SPTBN5: variants seen among roughly 807,000 people sequenced by gnomAD.
SPTBN5 encodes spectrin beta, non-erythrocytic 5, also known as spectrin beta chain, non-erythrocytic 5.
SPTBN5 carries 513 observed loss-of-function variants against 477.6 expected under a neutral mutation model. That is an observed-to-expected ratio of 1.07 (90% confidence interval 1.00 to 1.16). SPTBN5 has a LOEUF of 1.16. Ranked by LOEUF, SPTBN5 falls within the 50% of genes most tolerant of loss-of-function variation. The probability of loss-of-function intolerance (pLI) is 0.00; values close to 1 mark genes in which losing one functional copy is unlikely to be tolerated. For synonymous variants in SPTBN5, 2,169 were observed against 2,011.7 expected (o/e 1.08, Z -2.09); for missense variants, 5,062 against 4,731.8 (o/e 1.07, Z -2.05).
intron 41 of SPTBN5, 39 bp from the exon 42 acceptor site, chr15:41,862,942 G>T: frequency 6.5e-7 from 1 of 1,535,172 alleles, no homozygotes; most frequent in Non-Finnish European, 8.8e-7. Context: ...CTGGGCCTTT[G>T]CTTCGGCTCC....
At position 41,848,499 on chromosome 15, in the gene SPTBN5, A is replaced by G; in HGVS notation, c.*117T>C. 1 of 1,181,830 alleles carries G rather than the reference A, an allele frequency of 8.5e-7. No homozygotes were observed. Among genetic ancestry groups the G allele is most frequent in the Non-Finnish European group, 1.3e-6 (1 of 787,954 alleles). 73.2% of individuals were successfully genotyped at this position (1,181,830 alleles called of 1,614,324 possible). The stretch of plus-strand genomic sequence containing the variant: ...CTATTCCAGAAGCTGGGCCTGGGGA[A>G]CTGGGTTGAAGCAGCCACGGGAAGG... On this transcript the variant is annotated 3_prime_UTR_variant, in exon 68 of 68. Transcript: ENST00000320955.
At chr15:41,864,705 G>T (rs866482504) in intron 39 of SPTBN5, among the ~76,000 whole-genome samples, 2 of 152,346 alleles carry the variant, frequency 1.3e-5, no homozygotes, top group South Asian at 2.1e-4. Context: ...GCTTCCTGGG[G>T]TTTGGGTGTC....
Position 41,871,844 on chromosome 15 carries a change from C to T in SPTBN5, c.5239G>A (p.Ala1747Thr). The change falls in exon 28 of 68, where the codon GCA becomes ACA. Residue 1747 changes from alanine (A) to threonine (T), a missense_variant. Physicochemically the swap from Ala to Thr is moderately conservative, Grantham distance 58. Coordinates refer to ENST00000320955, the MANE Select transcript of SPTBN5 (RefSeq NM_016642.4). ...CCTTTGGCTGCCTGCTTCTGGCTTGCCAGCCAGCCCTGCAGGTCCTCAGCC... is the reference window on the plus strand; with the variant it reads ...CCTTTGGCTGCCTGCTTCTGGCTTGTCAGCCAGCCCTGCAGGTCCTCAGCC... ...REAEDLQGWL[A>T]SQKQAAKGGE... 6.3e-7 allele frequency: 1 copy of T among 1,588,262 alleles called. No homozygotes were observed. The highest frequency in any genetic ancestry group is 1.3e-5 in the African/African-American group (1 of 74,382).
chr15:41,882,092 C>A lies in SPTBN5; in HGVS notation c.2301G>T (p.Ser767=). The part of the protein sequence containing the change: ...AASWLRERRS[S]LERASCGQDQ... ...CCTGACCGCAGGACGCTCTCTCCAG[C>A]GAGGATCGCCGCTCGCGCAGCCACG... is the stretch of plus-strand genomic sequence containing the variant. Residue 767 remains serine (S), a synonymous_variant, in exon 12 of 68, where the codon TCG becomes TCT. Transcript: ENST00000320955. The A allele has an allele frequency of 1.3e-6, 2 of 1,573,828 alleles. No homozygotes were observed. Among genetic ancestry groups the A allele is most frequent in the Non-Finnish European group, 1.7e-6 (2 of 1,171,050 alleles).
At chr15:41,868,306 G>A (rs2140938470) in intron 33 of SPTBN5, 88 bp from the exon 34 acceptor site, 2 of 1,561,474 alleles carry the variant, frequency 1.3e-6, no homozygotes, top group East Asian at 2.3e-5. Context: ...CCTGAGGAGA[G>A]GCCAGCATGG....
chr15:41,850,755 A>T, intron 66 of SPTBN5, 99 bp downstream of exon 66: 2 of 1,039,874 alleles, frequency 1.9e-6, no homozygotes, highest in Non-Finnish European at 2.7e-6. Flanking sequence ...AGAGATGCTA[A>T]CTGTGAAACC....
rs1284669923 is a variant in SPTBN5 at position 41,883,217 on chromosome 15, C to G, written c.1671G>C (p.Arg557Ser). 6.2e-7 allele frequency: 1 copy of G among 1,610,266 alleles called. No homozygotes were observed. The highest frequency in any genetic ancestry group is 1.7e-5 in the Admixed American group (1 of 59,762). ...CCAGCTGCTGCCCACAGGCGGTGGA[C>G]CTGGCCGGCTCCTGGCCAGAGATGA... ...HQLEELQEPA[R>S]STACGQQLAE... Residue 557 changes from arginine to serine, a missense_variant, in exon 9 of 68, where the codon AGG becomes AGC. Physicochemically the swap from Arg to Ser is moderately radical, Grantham distance 110. Transcript: ENST00000320955.
intron 17 of SPTBN5, 55 bp from the exon 18 acceptor site, chr15:41,877,411 C>A: frequency 6.4e-7 from 1 of 1,568,800 alleles, no homozygotes. Flanking sequence ...TCGTCAGCCT[C>A]CTTCTCCTCT....
Position 41,885,758 on chromosome 15 carries a change from G to A in SPTBN5, c.1497C>T (p.His499=). 6.4e-7 allele frequency: 1 copy of A among 1,557,534 alleles called. No homozygotes were observed. Among genetic ancestry groups the A allele is most frequent in the Non-Finnish European group, 8.7e-7 (1 of 1,150,732 alleles). ...ACCTGCGGGCCACATCTGCCCAGCT[G>A]TGGTACTGCTCCTGCCGGAGGATGT... is the stretch of plus-strand genomic sequence containing the variant. The part of the protein sequence containing the change: ...IADILRQEQY[H]SWADVARRQE... Residue 499 remains histidine, a synonymous_variant, in exon 7 of 68, where the codon CAC becomes CAT. Coordinates refer to ENST00000320955, the MANE Select transcript of SPTBN5 (RefSeq NM_016642.4).
chr15:41,865,633 C>T (rs1297825637), intron 39 of SPTBN5, among the ~76,000 whole-genome samples, 175 bp downstream of exon 39: 1 of 152,206 alleles, frequency 6.6e-6, no homozygotes, highest in Admixed American at 6.5e-5. Context: ...GGTGCTACCC[C>T]CATTCTAAAG....
chr15:41,861,686 G>A, intron 45 of SPTBN5, 49 bp downstream of exon 45: 2 of 1,515,028 alleles, frequency 1.3e-6, no homozygotes, highest in East Asian at 2.4e-5. Flanking sequence ...GTCAGCGCAG[G>A]CCCTGTTCGG....
At position 41,857,461 on chromosome 15, in the gene SPTBN5, C is replaced by T; in HGVS notation, c.8398G>A (p.Glu2800Lys). 6.2e-7 allele frequency: 1 copy of T among 1,608,962 alleles called. No homozygotes were observed. The highest frequency in any genetic ancestry group is 1.3e-5 in the African/African-American group (1 of 74,994). The change falls in exon 51 of 68, where the codon GAG (glutamate) becomes AAG (lysine). Residue 2800 changes from glutamate (E) to lysine (K), a missense_variant. By Grantham distance (56) the Glu-to-Lys change is moderately conservative. Transcript: ENST00000320955. ...LRLRRSMEEL[E>K]NWLEPIEVEL... ...ACCTCGATGGGCTCCAGCCAGTTCTCCAGTTCCTCCATGCTCCGCCGCAGA... is the reference window on the plus strand; with the variant it reads ...ACCTCGATGGGCTCCAGCCAGTTCTTCAGTTCCTCCATGCTCCGCCGCAGA...
At chr15:41,887,480 C>T (rs1865356530) in intron 5 of SPTBN5, 39 bp from the exon 6 acceptor site, 1 of 1,447,530 alleles carries the variant, frequency 6.9e-7, no homozygotes, top group Admixed American at 2.0e-5. Context: ...CCAGCAGGAA[C>T]CTACTGCTTT....
chr15:41,879,955 G>T, intron 14 of SPTBN5, 91 bp from the exon 15 acceptor site: 4 of 1,531,938 alleles, frequency 2.6e-6, no homozygotes, highest in Non-Finnish European at 3.5e-6. Flanking sequence ...GGTGCTCTCT[G>T]CTACAGGGAT....
At chr15:41,893,675 G>A (rs2067383558) in intron 1 of SPTBN5, 129 bp from the exon 2 acceptor site, 1 of 1,185,648 alleles carries the variant, frequency 8.4e-7, no homozygotes, top group Non-Finnish European at 1.1e-6. Flanking sequence ...GCCAGGTAAG[G>A]GCCAGTGCTT....
chr15:41,867,396 T>A (rs2066361821), intron 35 of SPTBN5, 142 bp downstream of exon 35: 1 of 857,194 alleles, frequency 1.2e-6, no homozygotes. Context: ...TACAACTTGC[T>A]CAGTCAACCC....
rs1438735971 is a variant in SPTBN5, at chr15:41,874,303, G to C, written c.4678C>G (p.Arg1560Gly). The change falls in exon 24 of 68, where the codon CGC (arginine) becomes GGC (glycine). Residue 1560 changes from arginine to glycine, a missense_variant. By Grantham distance (125) the Arg-to-Gly change is moderately radical (BLOSUM62 -2). Coordinates refer to ENST00000320955, the MANE Select transcript of SPTBN5 (RefSeq NM_016642.4). The part of the protein sequence containing the change: ...ECLNGAQSLH[R>G]KHKELQVEVK... ...AAGAGGGCTATTACCTTGTGCTTGC[G>C]GTGAAGGCTCTGGGCACCATTCAAG... 2 of 1,611,380 alleles carry C rather than the reference G, an allele frequency of 1.2e-6. No individual in the cohort carries two copies. The highest frequency in any genetic ancestry group is 1.7e-5 in the Admixed American group (1 of 59,416).
chr15:41,882,237 G>GGCC, intron 11 of SPTBN5, 32 bp downstream of exon 11: 2 of 357,962 alleles, frequency 5.6e-6, no homozygotes, highest in South Asian at 4.5e-5. Context: ...GCCGGGCCCC[G>GGCC]CCCCCACCCC....
At chr15:41,852,532 C>T (rs2065799567) in intron 61 of SPTBN5, 102 bp downstream of exon 61, 34 of 1,386,654 alleles carry the variant, frequency 2.5e-5, no homozygotes, top group Non-Finnish European at 3.5e-5. Context: ...GCAGGTAAGG[C>T]AGGGCCGGGT....
Sources: allele counts gnomAD v4.1 joint callset (sites outside exome capture counted in the v4.1 genomes callset), GRCh38; gene constraint gnomAD v4.1.1; transcripts MANE v1.5; gene names NCBI Gene and HGNC (gene_info 2026-07-23, HGNC 2026-07-21).